LRP1: variants seen among roughly 807,000 people sequenced by gnomAD.
LRP1 encodes the protein prolow-density lipoprotein receptor-related protein 1.
In LRP1, 51 loss-of-function variants were observed where a neutral mutation model predicts 541.5. The ratio of observed to expected loss-of-function variants is 0.09; its 90% CI spans 0.08 to 0.12. The LOEUF (loss-of-function observed/expected upper bound fraction) is 0.12, where lower values mean the gene tolerates loss of function less well. Ranked by LOEUF, LRP1 falls within the 10% of genes least tolerant of loss-of-function variation. The pLI is 1.00. For synonymous variants in LRP1, 2,219 were observed against 2,470.8 expected (o/e 0.90, Z 3.02); for missense variants, 3,878 against 6,376.2 (o/e 0.61, Z 13.34).
At chr12:57,151,175 A>G (rs749123708) in intron 6 of LRP1, among the ~76,000 whole-genome samples, 1 of 152,142 alleles carries the variant, frequency 6.6e-6, no homozygotes, top group Admixed American at 6.5e-5. Context: ...GCCACCATGT[A>G]TGGAAATGCC....
chr12:57,192,693 A>G (rs1467807522), intron 44 of LRP1, 152 bp from the exon 45 acceptor site: 3 of 1,034,198 alleles, frequency 2.9e-6, no homozygotes, highest in African/African-American at 3.1e-5. Flanking sequence ...AGCCATCCCC[A>G]TGCCCTCCCC....
chr12:57,158,325 C>A lies in LRP1; in HGVS notation c.1562-77C>A. ...ACCCATCACAGCTAGGGCATTGCAGCCCCTTGGCCGCAGCCCCTGGGTGGG... is the reference window on the plus strand; with the variant it reads ...ACCCATCACAGCTAGGGCATTGCAGACCCTTGGCCGCAGCCCCTGGGTGGG... On this transcript the variant is annotated intron_variant, in intron 10 of 88. Coordinates refer to ENST00000243077, the MANE Select transcript of LRP1 (RefSeq NM_002332.3). The surrounding 1 kb of genome is among the most constrained non-coding windows in gnomAD (Gnocchi z 5.3). 1 of 1,215,906 alleles carries A rather than the reference C, an allele frequency of 8.2e-7. No homozygotes were observed. Among genetic ancestry groups the A allele is most frequent in the Non-Finnish European group, 1.2e-6 (1 of 849,432 alleles). 75.3% of individuals were successfully genotyped at this position (1,215,906 alleles called of 1,614,324 possible).
intron 15 of LRP1, among the ~76,000 whole-genome samples, chr12:57,163,881 G>A (rs375483332): frequency 3.3e-5 from 5 of 152,084 alleles, no homozygotes; most frequent in East Asian, 3.9e-4. Flanking sequence ...GTAAAACGGA[G>A]TAAGTAAGGC....
At chr12:57,163,116 G>C in intron 15 of LRP1, 133 bp downstream of exon 15, 1 of 1,299,120 alleles carries the variant, frequency 7.7e-7, no homozygotes. Flanking sequence ...GGGCCAACAG[G>C]AAGCAAGGGA....
In LRP1 at chr12:57,176,103, G is replaced by A. The variant is rs1218389518; in HGVS notation, c.3988G>A (p.Gly1330Arg). Residue 1330 changes from glycine (G) to arginine (R), a missense_variant, in exon 24 of 89, where the codon GGA (glycine) becomes AGA (arginine). Gly to Arg is a moderately radical substitution (Grantham distance 125, BLOSUM62 -2). Around this residue, in one of 13 missense-constraint regions of LRP1, gnomAD observed 320 missense variants for 547.9 expected, o/e 0.58. Coordinates refer to ENST00000243077, the MANE Select transcript of LRP1 (RefSeq NM_002332.3). ...CTACCGCGGGAAGCTGCTGGACAACGGAGGTGACCACCGATTGCTGCCAGG... is the reference window on the plus strand; with the variant it reads ...CTACCGCGGGAAGCTGCTGGACAACAGAGGTGACCACCGATTGCTGCCAGG... ...KIYRGKLLDN[G>R]ALTSFEVVIQ... The A allele has an allele frequency of 1.1e-5, 17 of 1,613,846 alleles. No homozygotes were observed. Among genetic ancestry groups the A allele is most frequent in the Admixed American group, 1.7e-5 (1 of 60,032 alleles).
chr12:57,189,054 C>T lies in LRP1; in HGVS notation c.7031+1598C>T, dbSNP rs562783197. Reference sequence around the variant, plus strand: ...ACCCAGCCTCCTCCTGAGCCCTCCCCGCGTCAGCACTGGAGCACTGATGGC... The same window carrying T: ...ACCCAGCCTCCTCCTGAGCCCTCCCTGCGTCAGCACTGGAGCACTGATGGC... On this transcript the variant is annotated intron_variant, in intron 42 of 88. Coordinates refer to ENST00000243077, the MANE Select transcript of LRP1 (RefSeq NM_002332.3). This position sits in a 1 kb window ranked among gnomAD's most constrained non-coding sequence, Gnocchi z 4.4. Among the ~76,000 whole-genome samples, 2 of 152,280 alleles carry T rather than the reference C, an allele frequency of 1.3e-5. No homozygotes were observed. The highest frequency in any genetic ancestry group is 6.5e-5 in the Admixed American group (1 of 15,298).
At chr12:57,144,453 G>A (rs1324679167) in intron 4 of LRP1, among the ~76,000 whole-genome samples, 2 of 151,984 alleles carry the variant, frequency 1.3e-5, no homozygotes, top group African/African-American at 4.8e-5. Flanking sequence ...AAACTTTTCT[G>A]TTTTAAATTT....
intron 76 of LRP1, among the ~76,000 whole-genome samples, chr12:57,207,453 G>A (rs1023714420): frequency 3.3e-5 from 5 of 151,544 alleles, no homozygotes; most frequent in African/African-American, 1.2e-4. Flanking sequence ...TGAGCCGAGT[G>A]CCACTCGGTT....
At chr12:57,203,148 C>T in intron 68 of LRP1, 33 bp from the exon 69 acceptor site, 2 of 1,465,942 alleles carry the variant, frequency 1.4e-6, no homozygotes, top group Non-Finnish European at 1.9e-6. Context: ...TTGTGCCCAC[C>T]CTCCTGGGCC....
intron 67 of LRP1, 127 bp from the exon 68 acceptor site, chr12:57,202,294 C>T: frequency 1.3e-6 from 1 of 767,782 alleles, no homozygotes; most frequent in Non-Finnish European, 2.3e-6. Flanking sequence ...GCCTGGGCTC[C>T]CCGCGGCTGA....
rs2036136945 is a variant in LRP1, at chr12:57,180,257, C to A, written c.5237-73C>A. The A allele has an allele frequency of 3.8e-6, 6 of 1,591,604 alleles. No individual in the cohort carries two copies. In the East Asian group the frequency reaches 1.3e-4, roughly 36 times the overall value. ...CCAGAGCCCTAGCTTAGTGCCTGTT[C>A]TCACCATCTGCTCCCTTCCCTGGAT... On this transcript the variant is annotated intron_variant, in intron 31 of 88. Coordinates refer to ENST00000243077, the MANE Select transcript of LRP1 (RefSeq NM_002332.3).
intron 68 of LRP1, 179 bp from the exon 69 acceptor site, chr12:57,203,002 G>A (rs1181390273): frequency 3.4e-6 from 2 of 592,972 alleles, no homozygotes; most frequent in Non-Finnish European, 6.0e-6. Context: ...GCCCGCCTGT[G>A]CCCAGCTGTT....
intron 3 of LRP1, among the ~76,000 whole-genome samples, chr12:57,142,785 G>T (rs1565715007): frequency 1.3e-5 from 2 of 152,114 alleles, no homozygotes; most frequent in South Asian, 4.1e-4. Context: ...AGAAAGGCTG[G>T]GCAGGCAGCA....
At chr12:57,148,614 T>C (rs1436288106) in intron 6 of LRP1, among the ~76,000 whole-genome samples, 1 of 152,154 alleles carries the variant, frequency 6.6e-6, no homozygotes, top group African/African-American at 2.4e-5. Flanking sequence ...TGTATTCCCT[T>C]CACCTTGGAG....
chr12:57,161,179 A>C, intron 13 of LRP1, 64 bp downstream of exon 13: 1 of 1,518,890 alleles, frequency 6.6e-7, no homozygotes, highest in South Asian at 1.2e-5. Flanking sequence ...TTGGGCGTGG[A>C]TGAGGTTCTG....
intron 76 of LRP1, among the ~76,000 whole-genome samples, chr12:57,207,556 C>CA (rs1204863338): frequency 1.9e-4 from 28 of 150,260 alleles, no homozygotes; most frequent in African/African-American, 6.8e-4. Context: ...AAAAAGAAAA[C>CA]AAAAGGGCAG....
chr12:57,182,746 G>A (rs1253029060), intron 34 of LRP1, among the ~76,000 whole-genome samples: 16 of 152,076 alleles, frequency 1.1e-4, no homozygotes, highest in Admixed American at 8.5e-4. Flanking sequence ...AACCTGGGAC[G>A]CGGAGGTTGT....
chr12:57,179,082 C>G lies in LRP1; in HGVS notation c.4738+61C>G. 1.5e-5 allele frequency: 24 copies of G among 1,572,838 alleles called. No homozygotes were observed. The highest frequency in any genetic ancestry group is 2.0e-5 in the Non-Finnish European group (23 of 1,161,516). On this transcript the variant is annotated intron_variant, in intron 28 of 88. Transcript: ENST00000243077. This position sits in a 1 kb window ranked among gnomAD's most constrained non-coding sequence, Gnocchi z 6.8. ...GAGGCTGGAGGGAAGGCCGCAGGCC[C>G]CAGGATCCCGGTTGTCAGCTAAGGC...
Position 57,154,271 on chromosome 12 carries a change from A to G in LRP1, c.905A>G (p.Asp302Gly). Reference sequence around the variant, plus strand: ...TTCTACTTTGTGGATGACATCGATGATAGGATCTTTGTCTGCAACAGAAAT... The same window carrying G: ...TTCTACTTTGTGGATGACATCGATGGTAGGATCTTTGTCTGCAACAGAAAT... ...GNFYFVDDID[D>G]RIFVCNRNGD... The change falls in exon 7 of 89, where the codon GAT (aspartate) becomes GGT (glycine). Residue 302 changes from aspartate (D) to glycine (G), a missense_variant. By Grantham distance (94) the Asp-to-Gly change is moderately conservative. Around this residue, in one of 13 missense-constraint regions of LRP1, gnomAD observed 293 missense variants for 403.7 expected, o/e 0.73. Coordinates refer to ENST00000243077, the MANE Select transcript of LRP1 (RefSeq NM_002332.3). The surrounding 1 kb of genome is among the most constrained non-coding windows in gnomAD (Gnocchi z 4.6). 1 of 1,614,236 alleles carries G rather than the reference A, an allele frequency of 6.2e-7. No individual in the cohort carries two copies. The highest frequency in any genetic ancestry group is 1.1e-5 in the South Asian group (1 of 91,084).
Sources: gnomAD v4.1 joint callset for allele counts (sites outside exome capture counted in the v4.1 genomes callset) on GRCh38, gnomAD v4.1.1 for gene constraint, gnomAD v4.1.1 regional missense constraint, Gnocchi (gnomAD v3.1) non-coding constraint, MANE v1.5 for transcripts, NCBI Gene and HGNC (gene_info 2026-07-23, HGNC 2026-07-21) for gene names.